ITGA8: variants seen among roughly 807,000 people sequenced by gnomAD.
ITGA8 encodes integrin alpha-8.
Under a neutral mutation model 142.3 loss-of-function variants are expected in ITGA8, and 91 were observed. The observed-to-expected ratio is 0.64, with a 90% CI of 0.54 to 0.76. The LOEUF is 0.76. ITGA8 is among the 30% of genes least tolerant of loss of function. ITGA8 has a pLI of 0.00. For synonymous variants in ITGA8, 505 were observed against 485.2 expected (o/e 1.04, Z -0.54); for missense variants, 1,406 against 1,327.7 (o/e 1.06, Z -0.92).
chr10:15,694,173 A>ATATATAT (rs1564412111), intron 2 of ITGA8, among the ~76,000 whole-genome samples: 1 of 140,778 alleles, frequency 7.1e-6, no homozygotes, highest in East Asian at 2.0e-4. Flanking sequence ...ATCATATATC[A>ATATATAT]GATAATATAT....
At chr10:15,569,558 T>C (rs1207742267) in intron 25 of ITGA8, among the ~76,000 whole-genome samples, 3 of 152,178 alleles carry the variant, frequency 2.0e-5, no homozygotes, top group African/African-American at 4.8e-5. Flanking sequence ...CCATCCTCTG[T>C]CTGCTTCTTA....
chr10:15,646,732 C>A, intron 12 of ITGA8, 114 bp downstream of exon 12: 2 of 655,222 alleles, frequency 3.1e-6, no homozygotes, highest in Non-Finnish European at 5.2e-6. Context: ...TATTAAAAAT[C>A]AGTAATAATA....
At chr10:15,598,600 G>A (rs1040534373) in intron 20 of ITGA8, among the ~76,000 whole-genome samples, 2 of 152,176 alleles carry the variant, frequency 1.3e-5, no homozygotes, top group Non-Finnish European at 2.9e-5. Flanking sequence ...AGCAAACTTG[G>A]ACACAAAGTA....
Position 15,719,861 on chromosome 10 carries a change from C to G in ITGA8, c.-90G>C. ...GGGGGCTGGTGGAATCTGGCGGTCC[C>G]CAGCTGCCCGTGTCCCGGGTCGGTG... On this transcript the variant is annotated 5_prime_UTR_variant, in exon 1 of 30. Transcript: ENST00000378076. 9.8e-7 allele frequency: 1 copy of G among 1,021,446 alleles called. No individual in the cohort carries two copies. The allele number at this position is 1,021,446 out of a possible 1,614,324, so 63.3% of individuals were successfully genotyped here. A position where few individuals can be genotyped will look rare whatever the true frequency, so the allele number is the denominator to read the frequency against.
intron 13 of ITGA8, among the ~76,000 whole-genome samples, chr10:15,617,730 C>G (rs760171741): frequency 1.3e-4 from 20 of 152,060 alleles, no homozygotes; most frequent in Non-Finnish European, 4.4e-5. Context: ...CAGTGGCTGT[C>G]CCTAGTAGAA....
chr10:15,550,211 A>T (rs1014069931), intron 26 of ITGA8, among the ~76,000 whole-genome samples: 7 of 151,966 alleles, frequency 4.6e-5, no homozygotes, highest in African/African-American at 1.7e-4. Context: ...GCCTTTCACC[A>T]TGATTGTGAG....
chr10:15,591,135 T>A (rs1487737850), intron 22 of ITGA8, among the ~76,000 whole-genome samples: 1 of 152,284 alleles, frequency 6.6e-6, no homozygotes, highest in Middle Eastern at 3.4e-3. Context: ...TTGCAAGATA[T>A]TAAGATAAAC....
chr10:15,577,263 T>C (rs568822243), intron 23 of ITGA8, among the ~76,000 whole-genome samples: 1 of 152,316 alleles, frequency 6.6e-6, no homozygotes, highest in South Asian at 2.1e-4. Context: ...ATAAATTCCC[T>C]AGGATCATAG....
intron 13 of ITGA8, among the ~76,000 whole-genome samples, chr10:15,623,319 G>T (rs1412950375): frequency 6.6e-6 from 1 of 152,010 alleles, no homozygotes; most frequent in Non-Finnish European, 1.5e-5. Context: ...ACCCACACTG[G>T]GCTCCTTTTT....
At chr10:15,566,138 T>G (rs975070746) in intron 25 of ITGA8, among the ~76,000 whole-genome samples, 1 of 152,146 alleles carries the variant, frequency 6.6e-6, no homozygotes, top group African/African-American at 2.4e-5. Flanking sequence ...CTCTCATTCC[T>G]AAAGAACGGA....
chr10:15,692,524 A>G (rs1241566466), intron 2 of ITGA8, among the ~76,000 whole-genome samples: 1 of 152,200 alleles, frequency 6.6e-6, no homozygotes, highest in Non-Finnish European at 1.5e-5. Context: ...ATATTTCCAA[A>G]TCTTTCCCAA....
intron 22 of ITGA8, 92 bp downstream of exon 22, chr10:15,592,133 T>C: frequency 1.2e-6 from 1 of 830,344 alleles, no homozygotes; most frequent in Non-Finnish European, 1.9e-6. Flanking sequence ...GGTGAGCTTT[T>C]AAGGCCAAGG....
At chr10:15,586,762 C>G in intron 22 of ITGA8, 98 bp from the exon 23 acceptor site, 1 of 681,780 alleles carries the variant, frequency 1.5e-6, no homozygotes, top group South Asian at 1.8e-5. Context: ...GGAGAACACA[C>G]GTTACTAACC....
chr10:15,605,250 C>T (rs922371995), intron 19 of ITGA8, among the ~76,000 whole-genome samples: 14 of 152,298 alleles, frequency 9.2e-5, no homozygotes, highest in South Asian at 4.2e-4. Flanking sequence ...AATTTTGTGA[C>T]ACCTTCTGCT....
intron 3 of ITGA8, among the ~76,000 whole-genome samples, chr10:15,686,300 C>T (rs374043630): frequency 4.8e-4 from 73 of 152,296 alleles, no homozygotes; most frequent in African/African-American, 1.7e-3. Flanking sequence ...TTGGCCAATA[C>T]CCCAAAACTC....
intron 11 of ITGA8, among the ~76,000 whole-genome samples, chr10:15,649,647 T>G (rs1834051015): frequency 6.6e-6 from 1 of 150,776 alleles, no homozygotes; most frequent in Non-Finnish European, 1.5e-5. Flanking sequence ...GGCAAAGATT[T>G]GAATGGACAC....
At chr10:15,557,532 A>C (rs1384515481) in intron 26 of ITGA8, among the ~76,000 whole-genome samples, 2 of 152,140 alleles carry the variant, frequency 1.3e-5, no homozygotes, top group African/African-American at 4.8e-5. Context: ...TTTTTTTAAA[A>C]AGTAGAGGCT....
At chr10:15,575,832 C>T (rs1588653950) in intron 23 of ITGA8, among the ~76,000 whole-genome samples, 1 of 152,176 alleles carries the variant, frequency 6.6e-6, no homozygotes, top group African/African-American at 2.4e-5. Flanking sequence ...TATAGCATCT[C>T]ATCTCGTGGG....
At chr10:15,527,916 T>G (rs1833209610) in intron 28 of ITGA8, among the ~76,000 whole-genome samples, 1 of 129,942 alleles carries the variant, frequency 7.7e-6, no homozygotes, top group Non-Finnish European at 1.7e-5. Flanking sequence ...CTTTTTTTTT[T>G]TTTTTTTTTT....
Sources: allele counts gnomAD v4.1 joint callset (sites outside exome capture counted in the v4.1 genomes callset), GRCh38; gene constraint gnomAD v4.1.1; transcripts MANE v1.5; gene names NCBI Gene and HGNC (gene_info 2026-07-23, HGNC 2026-07-21).